The following SLIT2 variants were observed in gnomAD, a reference collection of about 807,000 sequenced individuals.
The protein encoded by SLIT2 is slit guidance ligand 2.
SLIT2 carries 41 observed loss-of-function variants against 185.7 expected under a neutral mutation model. That is an observed-to-expected ratio of 0.22 (90% CI 0.17 to 0.29). The LOEUF (loss-of-function observed/expected upper bound fraction) is 0.29, where lower values mean the gene tolerates loss of function less well. Among genes scored for constraint, SLIT2 ranks in the 10% least tolerant of loss-of-function variants. The pLI is 1.00. For synonymous variants in SLIT2, 693 were observed against 680.2 expected (o/e 1.02, Z -0.29); for missense variants, 1,571 against 1,909.0 (o/e 0.82, Z 3.30).
chr4:20,296,267 A>G (rs1716467593), intron 4 of SLIT2, among the ~76,000 whole-genome samples: 1 of 152,256 alleles, frequency 6.6e-6, no homozygotes, highest in Non-Finnish European at 1.5e-5. Context: ...AGAGCAGAAT[A>G]TGGCATTAAG....
At chr4:20,554,115 G>T in intron 26 of SLIT2, 147 bp downstream of exon 26, 1 of 672,238 alleles carries the variant, frequency 1.5e-6, no homozygotes, top group Non-Finnish European at 2.5e-6. Context: ...AGACAGAGCA[G>T]TTACCTGAGG....
At chr4:20,470,533 T>A (rs936650079) in intron 5 of SLIT2, among the ~76,000 whole-genome samples, 133 of 129,706 alleles carry the variant, frequency 1.0e-3, no homozygotes, top group African/African-American at 3.6e-3. Flanking sequence ...TGTGTGTGTG[T>A]AATGTAAGGG....
chr4:20,305,998 A>G (rs766683943), intron 4 of SLIT2, among the ~76,000 whole-genome samples: 146 of 152,018 alleles, frequency 9.6e-4, no homozygotes, highest in Admixed American at 5.2e-3. Context: ...AGTTACTCCT[A>G]TGAAGTTATG....
intron 4 of SLIT2, among the ~76,000 whole-genome samples, chr4:20,269,187 G>A (rs1249216759): frequency 6.6e-6 from 1 of 151,750 alleles, no homozygotes; most frequent in Non-Finnish European, 1.5e-5. Context: ...AGTTCTGAAG[G>A]GAGAAAATTG....
At chr4:20,371,859 T>A (rs1016885927) in intron 4 of SLIT2, among the ~76,000 whole-genome samples, 3 of 152,232 alleles carry the variant, frequency 2.0e-5, no homozygotes, top group East Asian at 1.9e-4. Context: ...CTTTTTTTTT[T>A]AATTTGGTGA....
At chr4:20,581,730 C>T (rs1221734616) in intron 29 of SLIT2, among the ~76,000 whole-genome samples, 1 of 152,074 alleles carries the variant, frequency 6.6e-6, no homozygotes, top group Admixed American at 6.6e-5. Context: ...CCACTGGAGA[C>T]AGAGTTCTCT....
chr4:20,422,159 CA>C (rs1216534046), intron 4 of SLIT2, among the ~76,000 whole-genome samples: 1 of 152,006 alleles, frequency 6.6e-6, no homozygotes, highest in Non-Finnish European at 1.5e-5. Context: ...ATCTGTATCA[CA>C]AAAAAATTGC....
chr4:20,354,906 T>A (rs58266592), intron 4 of SLIT2, among the ~76,000 whole-genome samples: 26,254 of 76,216 alleles, frequency 0.34, 3,024 homozygotes, highest in African/African-American at 0.45. Flanking sequence ...TGTGTGTGTG[T>A]GAGAGAGAGA....
At chr4:20,374,971 T>TA (rs928108788) in intron 4 of SLIT2, among the ~76,000 whole-genome samples, 1 of 152,128 alleles carries the variant, frequency 6.6e-6, no homozygotes, top group Non-Finnish European at 1.5e-5. Flanking sequence ...TAGCCTTTTT[T>TA]ATTATTGCTT....
At chr4:20,431,907 C>T (rs892283173) in intron 4 of SLIT2, among the ~76,000 whole-genome samples, 1 of 152,096 alleles carries the variant, frequency 6.6e-6, no homozygotes, top group African/African-American at 2.4e-5. Context: ...TATTGTAAGA[C>T]ATTCCAACTG....
chr4:20,301,703 T>C (rs939916670), intron 4 of SLIT2, among the ~76,000 whole-genome samples: 2 of 152,176 alleles, frequency 1.3e-5, no homozygotes, highest in African/African-American at 2.4e-5. Context: ...GAGGATGTAT[T>C]TTCATTTGTA....
At chr4:20,347,288 TC>T (rs1721507144) in intron 4 of SLIT2, among the ~76,000 whole-genome samples, 1 of 152,186 alleles carries the variant, frequency 6.6e-6, no homozygotes, top group African/African-American at 2.4e-5. Flanking sequence ...AACCTTAGAA[TC>T]CCAGGACTTT....
intron 5 of SLIT2, among the ~76,000 whole-genome samples, chr4:20,475,867 G>T (rs1156270276): frequency 6.6e-6 from 1 of 151,936 alleles, no homozygotes; most frequent in African/African-American, 2.4e-5. Context: ...CCCCCAAATT[G>T]ACAAACATAT....
rs28404884 is a variant in SLIT2, at chr4:20,418,692, A to G, written c.396-49060A>G. On this transcript the variant is annotated intron_variant, in intron 4 of 36. Transcript: ENST00000504154. ...GGAATTTCTTGGGAGAAGTAACTGCATATTAGGATTGAGAACAACTCTAAG... is the reference window on the plus strand; with the variant it reads ...GGAATTTCTTGGGAGAAGTAACTGCGTATTAGGATTGAGAACAACTCTAAG... 4.9e-3 allele frequency among the ~76,000 whole-genome samples: 741 copies of G among 152,318 alleles called. 11 individuals are homozygous for G. Among genetic ancestry groups the G allele is most frequent in the African/African-American group, 0.017 (717 of 41,568 alleles).
At chr4:20,321,023 G>T (rs1405359110) in intron 4 of SLIT2, among the ~76,000 whole-genome samples, 2 of 152,134 alleles carry the variant, frequency 1.3e-5, no homozygotes, top group Non-Finnish European at 2.9e-5. Flanking sequence ...AGATGTGGTG[G>T]TGTGCACCTG....
intron 4 of SLIT2, among the ~76,000 whole-genome samples, chr4:20,411,683 A>G (rs1344779587): frequency 2.0e-5 from 3 of 152,200 alleles, no homozygotes; most frequent in Non-Finnish European, 2.9e-5. Context: ...ATCTTACTAC[A>G]AAATCCATGA....
intron 4 of SLIT2, among the ~76,000 whole-genome samples, chr4:20,306,634 T>TTTTTG (rs932934751): frequency 6.6e-6 from 1 of 152,200 alleles, no homozygotes; most frequent in African/African-American, 2.4e-5. Context: ...TCGTGTGCTT[T>TTTTTG]TTTTGTTTTG....
At chr4:20,518,581 A>ATATATATG (rs1720501897) in intron 11 of SLIT2, among the ~76,000 whole-genome samples, 1 of 23,204 alleles carries the variant, frequency 4.3e-5, no homozygotes, top group Non-Finnish European at 7.3e-5. Flanking sequence ...ATATATATAT[A>ATATATATG]TATATATTTT....
intron 4 of SLIT2, among the ~76,000 whole-genome samples, chr4:20,438,050 A>G (rs1729478332): frequency 6.6e-6 from 1 of 151,880 alleles, no homozygotes; most frequent in Non-Finnish European, 1.5e-5. Flanking sequence ...ATTTCTCAAC[A>G]TCTCCATTGC....
Sources: gnomAD v4.1 joint callset for allele counts (sites outside exome capture counted in the v4.1 genomes callset) on GRCh38, gnomAD v4.1.1 for gene constraint, MANE v1.5 for transcripts, NCBI Gene and HGNC (gene_info 2026-07-23, HGNC 2026-07-21) for gene names.